ZNF483: variants seen among roughly 807,000 people sequenced by gnomAD.
The protein encoded by ZNF483 is zinc finger protein HIT-10.
A neutral mutation model predicts 28.6 loss-of-function variants in ZNF483; 9 were observed. That is an observed-to-expected ratio of 0.32 (90% CI 0.19 to 0.55). The LOEUF (loss-of-function observed/expected upper bound fraction) is 0.55, where lower values mean the gene tolerates loss of function less well. Ranked by LOEUF, ZNF483 falls within the 20% of genes least tolerant of loss-of-function variation. ZNF483 has a pLI of 0.93. For missense variants in ZNF483, 675 were observed against 871.7 expected (o/e 0.77, Z 2.84); for synonymous variants, 322 against 306.2 (o/e 1.05, Z -0.54).
Position 111,560,968 on chromosome 9 carries a change from TATATATAGAGAGAGAGAGAGAGAG to T in ZNF483, c.722-15395_722-15372del, listed in dbSNP as rs1485316021. Among the ~76,000 whole-genome samples the T allele has an allele frequency of 1.2e-4, 5 of 40,066 alleles. No homozygotes were observed. The East Asian group carries it at 2.7e-3, about 22-fold the overall frequency. 26.3% of individuals were successfully genotyped at this position (40,066 alleles called of 152,430 possible). ...AAATATATATATATATATATATATA[TATATATAGAGAGAGAGAGAGAGAG>T]AGAGAGAGAGAGAGAGAGAGAGAGA... On this transcript the variant is annotated intron_variant, in intron 5 of 5. Transcript: ENST00000358151.
downstream of ZNF483, among the ~76,000 whole-genome samples, chr9:111,555,874 A>T (rs1247950218): frequency 6.6e-6 from 1 of 152,130 alleles, no homozygotes; most frequent in Non-Finnish European, 1.5e-5. Context: ...TCCCTCGCAA[A>T]TCTCATGTCC....
At position 111,549,485 on chromosome 9, in the gene ZNF483, A is replaced by T. The variant is rs1338136371; in HGVS notation, c.*6315A>T. On this transcript the variant is annotated 3_prime_UTR_variant, in exon 6 of 6. Coordinates refer to ENST00000309235, the MANE Select transcript of ZNF483 (RefSeq NM_133464.5). The stretch of plus-strand genomic sequence containing the variant: ...TTTCACCCTGAGAAATTGGTGAGGT[A>T]TCTTTCTCTCAGAGTCTTTTTTATG... Among the ~76,000 whole-genome samples, 1 of 152,184 alleles carries T rather than the reference A, an allele frequency of 6.6e-6. No individual in the cohort carries two copies. The highest frequency in any genetic ancestry group is 1.5e-5 in the Non-Finnish European group (1 of 68,030).
In ZNF483 at chr9:111,546,731, A is replaced by G. The variant is rs948500726; in HGVS notation, c.*3561A>G. 6.6e-6 allele frequency among the ~76,000 whole-genome samples: 1 copy of G among 152,186 alleles called. No homozygotes were observed. The highest frequency in any genetic ancestry group is 1.5e-5 in the Non-Finnish European group (1 of 68,010). ...TAAACACTTTTTGGTTATACAGCTCAATAGCATTTAGATAGATGCACATTT... is the reference window on the plus strand; with the variant it reads ...TAAACACTTTTTGGTTATACAGCTCGATAGCATTTAGATAGATGCACATTT... On this transcript the variant is annotated 3_prime_UTR_variant, in exon 6 of 6. Coordinates refer to ENST00000309235, the MANE Select transcript of ZNF483 (RefSeq NM_133464.5).
intron 5 of ZNF483, among the ~76,000 whole-genome samples, chr9:111,568,125 A>AT (rs1246690325): frequency 6.6e-6 from 1 of 152,206 alleles, no homozygotes; most frequent in African/African-American, 2.4e-5. Flanking sequence ...GAAGACAACC[A>AT]TAAGGTCTAA....
chr9:111,574,810 G>A, intron 5 of ZNF483: 2 of 1,613,610 alleles, frequency 1.2e-6, no homozygotes, highest in Non-Finnish European at 1.7e-6. Flanking sequence ...TCTTCATCTG[G>A]CCGATAACAG....
At chr9:111,573,439 G>A (rs1265722910) in intron 5 of ZNF483, among the ~76,000 whole-genome samples, 1 of 152,168 alleles carries the variant, frequency 6.6e-6, no homozygotes, top group African/African-American at 2.4e-5. Flanking sequence ...TTGTGTGGTG[G>A]TTAACCAGTG....
chr9:111,564,218 G>T, intron 5 of ZNF483: 1 of 1,079,232 alleles, frequency 9.3e-7, no homozygotes, highest in Non-Finnish European at 1.1e-6. Flanking sequence ...TGGATTTATA[G>T]ACAAGATTAT....
intron 5 of ZNF483, among the ~76,000 whole-genome samples, chr9:111,540,865 G>A (rs969979153): frequency 6.6e-6 from 1 of 152,106 alleles, no homozygotes; most frequent in Non-Finnish European, 1.5e-5. Context: ...CCTTGGGCAG[G>A]CTACTTAATA....
At chr9:111,541,560 A>G in intron 5 of ZNF483, 97 bp from the exon 6 acceptor site, 2 of 952,658 alleles carry the variant, frequency 2.1e-6, no homozygotes, top group East Asian at 5.4e-5. Flanking sequence ...TCGAAACTAT[A>G]TTCCTTATAG....
chr9:111,576,817 G>A (rs1221839644), exon 6 of ZNF483: 1 of 156,112 alleles, frequency 6.4e-6, no homozygotes, highest in Non-Finnish European at 1.4e-5. Flanking sequence ...TTGGCCAGGT[G>A]TGGTGGCTCA....
chr9:111,578,039 A>G (rs1829136844), downstream of ZNF483, among the ~76,000 whole-genome samples: 1 of 152,128 alleles, frequency 6.6e-6, no homozygotes, highest in African/African-American at 2.4e-5. Flanking sequence ...TGGTTGTACA[A>G]TTTTGCCAAT....
rs969432501 is a variant in ZNF483, at chr9:111,545,403, CT to C, written c.*2242del. On this transcript the variant is annotated 3_prime_UTR_variant, in exon 6 of 6. Coordinates refer to ENST00000309235, the MANE Select transcript of ZNF483 (RefSeq NM_133464.5). ...ATCCATTGGGAATCTGGAGTATAAA[CT>C]TTTTTTTTAAAGGAATTTATTGAGG... Among the ~76,000 whole-genome samples, 30 of 151,630 alleles carry C rather than the reference CT, an allele frequency of 2.0e-4. No homozygotes were observed. Among genetic ancestry groups the C allele is most frequent in the Admixed American group, 1.6e-3 (25 of 15,206 alleles).
chr9:111,556,729 T>G (rs1160727975), downstream of ZNF483, among the ~76,000 whole-genome samples: 1 of 152,176 alleles, frequency 6.6e-6, no homozygotes, highest in African/African-American at 2.4e-5. Context: ...ATCTGGTTGT[T>G]TAGAAGTGTG....
Position 111,543,282 on chromosome 9 carries a change from G to GCT in ZNF483, c.*112_*113insCT. 6.9e-7 allele frequency: 1 copy of GCT among 1,445,136 alleles called. No individual in the cohort carries two copies. 89.5% of individuals were successfully genotyped at this position (1,445,136 alleles called of 1,614,324 possible). On this transcript the variant is annotated 3_prime_UTR_variant, in exon 6 of 6. Transcript: ENST00000309235. ...TAGCTGCAGCTTTCGTAAATTGGCA[G>GCT]TTAGGAAAAATATCCTTTTGCCCAT...
chr9:111,537,861 A>G (rs1827556378), intron 5 of ZNF483, among the ~76,000 whole-genome samples: 1 of 152,084 alleles, frequency 6.6e-6, no homozygotes, highest in South Asian at 2.1e-4. Context: ...TCCTGGGCTC[A>G]AACAAACTGT....
At chr9:111,567,870 T>G (rs1488404894) in intron 5 of ZNF483, among the ~76,000 whole-genome samples, 1 of 152,178 alleles carries the variant, frequency 6.6e-6, no homozygotes, top group African/African-American at 2.4e-5. Flanking sequence ...ACATAAATTG[T>G]GAAGATTTCA....
At chr9:111,566,561 A>G (rs1828571196) in intron 5 of ZNF483, among the ~76,000 whole-genome samples, 2 of 152,244 alleles carry the variant, frequency 1.3e-5, no homozygotes, top group African/African-American at 4.8e-5. Context: ...TCTGTTGACT[A>G]AAACTTACAT....
Position 111,544,451 on chromosome 9 carries a change from TAAC to T in ZNF483, c.*1286_*1288del, listed in dbSNP as rs1036187948. On this transcript the variant is annotated 3_prime_UTR_variant, in exon 6 of 6. Transcript: ENST00000309235. The stretch of plus-strand genomic sequence containing the variant: ...TTGTCTTAAAAAAAATTATAAGGGC[TAAC>T]AACACTGGGCTTTTATTTATGTAAA... The T allele has an allele frequency of 9.0e-6, 7 of 780,010 alleles. No individual in the cohort carries two copies. In the African/African-American group the frequency reaches 1.3e-4, roughly 15 times the overall value. The allele number at this position is 780,010 out of a possible 1,614,324, so 48.3% of individuals were successfully genotyped here. A position where few individuals can be genotyped will look rare whatever the true frequency, so the allele number is the denominator to read the frequency against.
chr9:111,566,202 C>CAAAA (rs1828555037), intron 5 of ZNF483, among the ~76,000 whole-genome samples: 1 of 150,844 alleles, frequency 6.6e-6, no homozygotes, highest in Admixed American at 6.6e-5. Context: ...GCCTCCATGT[C>CAAAA]AAAAATAAAT....
Sources: gnomAD v4.1 joint callset for allele counts (sites outside exome capture counted in the v4.1 genomes callset) on GRCh38, gnomAD v4.1.1 for gene constraint, MANE v1.5 for transcripts, NCBI Gene and HGNC (gene_info 2026-07-23, HGNC 2026-07-21) for gene names.